MARCHF6: variants seen among roughly 807,000 people sequenced by gnomAD.
MARCHF6 encodes E3 ubiquitin-protein ligase MARCHF6.
MARCHF6 carries 31 observed loss-of-function variants against 133.7 expected under a neutral mutation model. That is an observed-to-expected ratio of 0.23 (90% CI 0.17 to 0.31). The LOEUF (loss-of-function observed/expected upper bound fraction) is 0.31, where lower values mean the gene tolerates loss of function less well. Ranked by LOEUF, MARCHF6 falls within the 10% of genes least tolerant of loss-of-function variation. The pLI, the probability that MARCHF6 is intolerant of heterozygous loss-of-function variation, is 1.00. For synonymous variants in MARCHF6, 395 were observed against 402.5 expected (o/e 0.98, Z 0.22); for missense variants, 723 against 1,121.6 (o/e 0.64, Z 5.08).
chr5:10,392,623 G>T (rs547251115), intron 7 of MARCHF6, among the ~76,000 whole-genome samples: 2 of 152,006 alleles, frequency 1.3e-5, no homozygotes, highest in Non-Finnish European at 2.9e-5. Flanking sequence ...GTGTGGTGGC[G>T]CACGCCTGTA....
intron 22 of MARCHF6, 39 bp downstream of exon 22, chr5:10,417,443 A>G: frequency 6.2e-7 from 1 of 1,610,010 alleles, no homozygotes; most frequent in African/African-American, 1.3e-5. Context: ...TTCATTAAGG[A>G]TTTGAGATCA....
At chr5:10,407,484 C>T (rs1738965803) in intron 17 of MARCHF6, among the ~76,000 whole-genome samples, 1 of 152,174 alleles carries the variant, frequency 6.6e-6, no homozygotes, top group Non-Finnish European at 1.5e-5. Context: ...TTTTTCTGCG[C>T]ATAAAGTATG....
chr5:10,430,088 C>G, intron 25 of MARCHF6, 60 bp downstream of exon 25: 2 of 1,539,490 alleles, frequency 1.3e-6, no homozygotes, highest in Non-Finnish European at 1.8e-6. Context: ...ATTTATGTAT[C>G]TGATGTGACA....
chr5:10,396,622 T>G (rs573615807), intron 9 of MARCHF6, among the ~76,000 whole-genome samples: 11 of 152,310 alleles, frequency 7.2e-5, no homozygotes, highest in East Asian at 1.9e-4. Context: ...CATGAATGAA[T>G]GGACTTGGGC....
chr5:10,425,902 T>G (rs1272834302), intron 23 of MARCHF6, among the ~76,000 whole-genome samples: 1 of 152,252 alleles, frequency 6.6e-6, no homozygotes, highest in African/African-American at 2.4e-5. Context: ...TCATACTAAA[T>G]TTTTAAATAC....
intron 1 of MARCHF6, among the ~76,000 whole-genome samples, chr5:10,376,449 G>GT (rs1490687199): frequency 6.6e-6 from 1 of 152,216 alleles, no homozygotes; most frequent in African/African-American, 2.4e-5. Flanking sequence ...CTTAAGAGCT[G>GT]TAACACTCAC....
chr5:10,415,686 C>A lies in MARCHF6; in HGVS notation c.2148+17C>A, dbSNP rs1197378541. 4 of 1,584,394 alleles carry A rather than the reference C, an allele frequency of 2.5e-6. No homozygotes were observed. In the African/African-American group the frequency reaches 5.4e-5, roughly 21 times the overall value. ...TCTCTCATGGTATGTGTGTGTAATA[C>A]AAGACTGATCTTGTATGTTAGGAAT... On this transcript the variant is annotated intron_variant, in intron 21 of 25. Transcript: ENST00000274140.
chr5:10,377,710 A>G (rs1561109179), intron 1 of MARCHF6, 88 bp from the exon 2 acceptor site: 2 of 760,874 alleles, frequency 2.6e-6, no homozygotes, highest in East Asian at 2.5e-5. Context: ...TCTTGCTTTA[A>G]TGTCCAATAT....
intron 11 of MARCHF6, chr5:10,401,818 G>A (rs911110527): frequency 4.5e-5 from 24 of 535,146 alleles, no homozygotes; most frequent in Admixed American, 4.4e-4. Flanking sequence ...TCACTCTACT[G>A]TTATTTTGTC....
rs558662515 is a variant in MARCHF6, at chr5:10,365,491, G to T, written c.19+11574G>T. ...AATTTTGTATTTTTAGTAGAGGTGG[G>T]GTTTCTCCATGTTGGTCAGGTTGGT... is the stretch of plus-strand genomic sequence containing the variant. On this transcript the variant is annotated intron_variant, in intron 1 of 25. Transcript: ENST00000274140. Among the ~76,000 whole-genome samples the T allele has an allele frequency of 1.5e-3, 235 of 152,058 alleles. 2 individuals carry two copies. Among genetic ancestry groups the T allele is most frequent in the African/African-American group, 5.4e-3 (223 of 41,472 alleles).
At position 10,407,088 on chromosome 5, in the gene MARCHF6, G is replaced by GT; in HGVS notation, c.1453-11dup. The stretch of plus-strand genomic sequence containing the variant: ...GACTCTTATAGTGGTGTCATACCCT[G>GT]TTTCCTTCTGCAGATTGTCTTTGGC... On this transcript the variant is annotated splice_polypyrimidine_tract_variant and intron_variant, in intron 16 of 25. Coordinates refer to ENST00000274140, the MANE Select transcript of MARCHF6 (RefSeq NM_005885.4). 6.6e-7 allele frequency: 1 copy of GT among 1,508,846 alleles called. No homozygotes were observed. 93.5% of individuals were successfully genotyped at this position (1,508,846 alleles called of 1,614,324 possible). A position where few individuals can be genotyped will look rare whatever the true frequency, so the allele number is the denominator to read the frequency against.
At chr5:10,389,050 T>C (rs1737649891) in intron 5 of MARCHF6, among the ~76,000 whole-genome samples, 1 of 152,188 alleles carries the variant, frequency 6.6e-6, no homozygotes, top group African/African-American at 2.4e-5. Flanking sequence ...CATACCAGTT[T>C]AGTTTAAGTT....
chr5:10,415,833 C>T (rs1180072392), intron 21 of MARCHF6, among the ~76,000 whole-genome samples, 164 bp downstream of exon 21: 1 of 151,666 alleles, frequency 6.6e-6, no homozygotes, highest in Non-Finnish European at 1.5e-5. Context: ...TAGTGGCTTT[C>T]TGGTTCATTC....
At chr5:10,380,979 T>C (rs1460927756) in intron 3 of MARCHF6, among the ~76,000 whole-genome samples, 1 of 152,000 alleles carries the variant, frequency 6.6e-6, no homozygotes, top group East Asian at 1.9e-4. Flanking sequence ...TCAATGTTTA[T>C]AGGTGTGAAC....
chr5:10,390,039 A>G (rs1025886845), intron 5 of MARCHF6, among the ~76,000 whole-genome samples: 1 of 152,178 alleles, frequency 6.6e-6, no homozygotes, highest in Non-Finnish European at 1.5e-5. Context: ...GCCATTTTCA[A>G]AAGATAGGCT....
chr5:10,420,936 C>T (rs185583257), intron 22 of MARCHF6, among the ~76,000 whole-genome samples: 2 of 152,326 alleles, frequency 1.3e-5, no homozygotes, highest in African/African-American at 4.8e-5. Flanking sequence ...CTTAAATCCT[C>T]CCCCAAATCC....
intron 4 of MARCHF6, among the ~76,000 whole-genome samples, chr5:10,382,487 A>T (rs1458105641): frequency 1.4e-5 from 2 of 145,726 alleles, no homozygotes; most frequent in Admixed American, 6.8e-5. Context: ...AAAAAAAAGG[A>T]CTGCAAAAGA....
intron 24 of MARCHF6, among the ~76,000 whole-genome samples, chr5:10,427,776 T>G (rs1035272386): frequency 2.0e-5 from 3 of 152,148 alleles, no homozygotes; most frequent in Non-Finnish European, 2.9e-5. Context: ...CTTCTAATAG[T>G]CTCATTGCTT....
At chr5:10,369,787 G>T (rs921713468) in intron 1 of MARCHF6, among the ~76,000 whole-genome samples, 15 of 152,022 alleles carry the variant, frequency 9.9e-5, no homozygotes, top group African/African-American at 3.6e-4. Flanking sequence ...TACAATGTTT[G>T]AGGGTTATCC....
Sources: gnomAD v4.1 joint callset for allele counts (sites outside exome capture counted in the v4.1 genomes callset) on GRCh38, gnomAD v4.1.1 for gene constraint, MANE v1.5 for transcripts, NCBI Gene and HGNC (gene_info 2026-07-23, HGNC 2026-07-21) for gene names.